Variants in PLA2G7 observed in about 807,000 individuals in gnomAD.
PLA2G7 encodes the protein platelet-activating factor acetylhydrolase.
PLA2G7 carries 63 observed loss-of-function variants against 49.6 expected under a neutral mutation model. The observed-to-expected ratio is 1.27, with a 90% confidence interval of 1.04 to 1.57. The LOEUF is 1.57. PLA2G7 is among the 40% of genes most tolerant of loss of function. The probability of loss-of-function intolerance (pLI) is 0.00; values close to 1 mark genes in which losing one functional copy is unlikely to be tolerated. For missense variants in PLA2G7, 596 were observed against 521.2 expected, an observed-to-expected ratio of 1.14 and a Z score of -1.40; for synonymous variants, 193 against 169.9, an observed-to-expected ratio of 1.14 and a Z score of -1.06.
At chr6:46,707,815 A>G (rs527638078) in intron 10 of PLA2G7, among the ~76,000 whole-genome samples, 176 bp downstream of exon 10, 81 of 152,298 alleles carry the variant, frequency 5.3e-4, no homozygotes, top group Middle Eastern at 3.4e-3. Context: ...TAACATTCCC[A>G]TTTTAAAAAG....
At chr6:46,729,198 CAG>C (rs1265103518) in intron 1 of PLA2G7, among the ~76,000 whole-genome samples, 3 of 152,152 alleles carry the variant, frequency 2.0e-5, no homozygotes, top group African/African-American at 7.2e-5. Context: ...TAAAGGAACT[CAG>C]TGTCCATATT....
chr6:46,704,251 TAA>T lies in PLA2G7; in HGVS notation c.*307_*308del, dbSNP rs1764704588. 93 of 301,806 alleles carry T rather than the reference TAA, an allele frequency of 3.1e-4. 1 individual carries two copies. The South Asian group carries it at 3.4e-3, about 11-fold the overall frequency. 18.7% of individuals were successfully genotyped at this position (301,806 alleles called of 1,614,324 possible). On this transcript the variant is annotated 3_prime_UTR_variant, in exon 12 of 12. Transcript: ENST00000274793. ...AATCTACTTGTCTGTCAAAGTAATG[TAA>T]AAACAGTTTTTAACTTCGACACTGA...
intron 1 of PLA2G7, among the ~76,000 whole-genome samples, chr6:46,730,741 C>G (rs1285155547): frequency 6.6e-6 from 1 of 152,158 alleles, no homozygotes; most frequent in East Asian, 1.9e-4. Context: ...AAAGGAGCAA[C>G]TAATTCAACC....
intron 2 of PLA2G7, among the ~76,000 whole-genome samples, chr6:46,717,707 T>A (rs1473216189): frequency 2.1e-5 from 2 of 93,968 alleles, no homozygotes; most frequent in African/African-American, 8.4e-5. Context: ...TCTTTCTTTT[T>A]TCTTTTTCTT....
intron 2 of PLA2G7, among the ~76,000 whole-genome samples, chr6:46,720,048 A>G (rs1305915040): frequency 6.6e-6 from 1 of 152,194 alleles, no homozygotes; most frequent in Admixed American, 6.5e-5. Flanking sequence ...AGTCCCAAGG[A>G]GGAGGACCTT....
chr6:46,709,495 G>A lies in PLA2G7; in HGVS notation c.778-77C>T, dbSNP rs1582564846. 29 of 839,814 alleles carry A rather than the reference G, an allele frequency of 3.5e-5. No homozygotes were observed. In the East Asian group the frequency reaches 6.9e-4, roughly 20 times the overall value. The allele number at this position is 839,814 out of a possible 1,614,324, so 52.0% of individuals were successfully genotyped here. ...AAATGATTTTGTCAATCATATAATT[G>A]TTCATTTCATGGGGATGGTTAAATA... On this transcript the variant is annotated intron_variant, in intron 8 of 11. Coordinates refer to ENST00000274793, the MANE Select transcript of PLA2G7 (RefSeq NM_005084.4).
intron 4 of PLA2G7, among the ~76,000 whole-genome samples, 184 bp from the exon 5 acceptor site, chr6:46,714,737 T>C (rs1431439692): frequency 8.7e-6 from 1 of 114,858 alleles, no homozygotes. Context: ...GAACTGTAAG[T>C]TTTTTTTTTT....
intron 1 of PLA2G7, among the ~76,000 whole-genome samples, chr6:46,734,423 A>T (rs3997240): frequency 0.46 from 1,934 of 4,220 alleles, 80 homozygotes; most frequent in Middle Eastern, 0.6. Flanking sequence ...TGTGAGAGAG[A>T]GAGAGAGAGA....
chr6:46,717,753 C>CACTG (rs1473172638), intron 2 of PLA2G7, among the ~76,000 whole-genome samples: 6 of 148,016 alleles, frequency 4.1e-5, no homozygotes, highest in African/African-American at 1.5e-4. Context: ...CACCGTGTTG[C>CACTG]CAGGCTGGAG....
intron 9 of PLA2G7, among the ~76,000 whole-genome samples, 164 bp downstream of exon 9, chr6:46,709,163 G>A (rs1193455656): frequency 6.6e-6 from 1 of 152,088 alleles, no homozygotes; most frequent in African/African-American, 2.4e-5. Flanking sequence ...AGATGTTTTA[G>A]CCTAGGAAAA....
chr6:46,710,640 C>CTT lies in PLA2G7; in HGVS notation c.680_681dup (p.Glu228LysfsTer9), dbSNP rs1554182722. 1.2e-6 allele frequency: 2 copies of CTT among 1,612,008 alleles called. No individual in the cohort carries two copies. Among genetic ancestry groups the CTT allele is most frequent in the Non-Finnish European group, 1.7e-6 (2 of 1,178,144 alleles). ...ATCAGACTGAGAGCTTGGGAACATT[C>CTT]TTTTGCTCTTTGCCGTACCTAATAT... On this transcript the variant is annotated frameshift_variant, in exon 8 of 12. Coordinates refer to ENST00000274793, the MANE Select transcript of PLA2G7 (RefSeq NM_005084.4). LOFTEE classifies it high-confidence loss of function.
chr6:46,706,292 A>C (rs1277635591), intron 10 of PLA2G7, among the ~76,000 whole-genome samples: 1 of 152,132 alleles, frequency 6.6e-6, no homozygotes, highest in African/African-American at 2.4e-5. Flanking sequence ...GGGCCACTTA[A>C]CTCCCTCTCA....
intron 7 of PLA2G7, 107 bp downstream of exon 7, chr6:46,711,389 G>A (rs141773082): frequency 8.3e-7 from 1 of 1,208,170 alleles, no homozygotes; most frequent in Non-Finnish European, 1.2e-6. Context: ...ATGGGAAATA[G>A]GAGAGCTAGG....
In PLA2G7 at chr6:46,704,521, C is replaced by A; in HGVS notation, c.*39G>T. 1 of 1,149,318 alleles carries A rather than the reference C, an allele frequency of 8.7e-7. No individual in the cohort carries two copies. The highest frequency in any genetic ancestry group is 1.3e-6 in the Non-Finnish European group (1 of 769,736). The allele number at this position is 1,149,318 out of a possible 1,614,324, so 71.2% of individuals were successfully genotyped here. Reference sequence around the variant, plus strand: ...ACACACACACACACATAATTTTAGACAGTTTTGAAACAAGACTTTTAAAAA... The same window carrying A: ...ACACACACACACACATAATTTTAGAAAGTTTTGAAACAAGACTTTTAAAAA... On this transcript the variant is annotated 3_prime_UTR_variant, in exon 12 of 12. Coordinates refer to ENST00000274793, the MANE Select transcript of PLA2G7 (RefSeq NM_005084.4).
chr6:46,728,173 G>A (rs1765627016), intron 1 of PLA2G7, among the ~76,000 whole-genome samples: 1 of 152,148 alleles, frequency 6.6e-6, no homozygotes. Flanking sequence ...ATCTTCTTTG[G>A]ATATTTTACA....
chr6:46,722,279 G>A (rs1184218894), intron 2 of PLA2G7, among the ~76,000 whole-genome samples: 5 of 152,124 alleles, frequency 3.3e-5, no homozygotes, highest in Non-Finnish European at 5.9e-5. Context: ...TATCAGGTAG[G>A]AAAGATTGTT....
intron 9 of PLA2G7, 68 bp downstream of exon 9, chr6:46,709,259 T>A (rs1465571073): frequency 1.1e-6 from 1 of 941,680 alleles, no homozygotes; most frequent in Non-Finnish European, 1.7e-6. Flanking sequence ...GAATAAAAAA[T>A]TATATCTCAC....
At chr6:46,734,293 G>A (rs895258048) in intron 1 of PLA2G7, among the ~76,000 whole-genome samples, 2 of 151,854 alleles carry the variant, frequency 1.3e-5, no homozygotes, top group Non-Finnish European at 2.9e-5. Context: ...CTCCAAAAAC[G>A]CAATACTCCT....
At chr6:46,732,071 T>C (rs1195974949) in intron 1 of PLA2G7, among the ~76,000 whole-genome samples, 1 of 152,080 alleles carries the variant, frequency 6.6e-6, no homozygotes, top group Non-Finnish European at 1.5e-5. Context: ...TTGTAAAGAG[T>C]AAAATCCAAA....
Sources: allele counts gnomAD v4.1 joint callset (sites outside exome capture counted in the v4.1 genomes callset), GRCh38; gene constraint gnomAD v4.1.1; transcripts MANE v1.5; gene names NCBI Gene and HGNC (gene_info 2026-07-23, HGNC 2026-07-21).